Variants in FLACC1 observed in about 807,000 individuals in gnomAD.
FLACC1 encodes the protein flagellum-associated coiled-coil domain-containing protein 1.
A neutral mutation model predicts 62.8 loss-of-function variants in FLACC1; 66 were observed. The observed-to-expected ratio is 1.05, with a 90% CI of 0.86 to 1.29. The LOEUF is 1.29. Among genes scored for constraint, FLACC1 ranks in the 50% most tolerant of loss-of-function variants. The pLI is 0.00. For missense variants in FLACC1, 452 were observed against 489.1 expected, an observed-to-expected ratio of 0.92 and a Z score of 0.71; for synonymous variants, 156 against 161.0, an observed-to-expected ratio of 0.97 and a Z score of 0.24.
intron 1 of FLACC1, among the ~76,000 whole-genome samples, chr2:201,352,972 C>G (rs1232679835): frequency 2.6e-5 from 4 of 152,270 alleles, no homozygotes; most frequent in Middle Eastern, 6.8e-3. Flanking sequence ...CCCCCTGGAG[C>G]CTCCGGAAGG....
chr2:201,288,706 C>T lies in FLACC1; in HGVS notation c.1218G>A (p.Lys406=), dbSNP rs1949648191. 1 of 1,614,042 alleles carries T rather than the reference C, an allele frequency of 6.2e-7. No homozygotes were observed. The highest frequency in any genetic ancestry group is 1.6e-4 in the Middle Eastern group (1 of 6,062). ...CATCTTGCACAGTGTCAGAATCATC[C>T]TTAGAAACAGTAATAGAGGCCAATC... The part of the protein sequence containing the change: ...SGRLASITVS[K]DDSDTVQDGS... The change falls in exon 15 of 15, where the codon AAG becomes AAA. Residue 406 remains lysine (K), a synonymous_variant. Transcript: ENST00000392257.
intron 9 of FLACC1, among the ~76,000 whole-genome samples, chr2:201,310,107 G>A (rs1017546928): frequency 6.6e-6 from 1 of 151,938 alleles, no homozygotes; most frequent in African/African-American, 2.4e-5. Context: ...GGAATCCTAG[G>A]AGGGGGAAGG....
rs187997433 is a variant in FLACC1 at position 201,308,527 on chromosome 2, C to T, written c.775+624G>A. ...GAATGCGGAATAGGTCTGTAGAGGT[C>T]CCACTCCTACCTCAACTAGTCTTCT... On this transcript the variant is annotated intron_variant, in intron 10 of 14. Coordinates refer to ENST00000392257, the MANE Select transcript of FLACC1 (RefSeq NM_001127391.3). 1.2e-4 allele frequency among the ~76,000 whole-genome samples: 18 copies of T among 152,280 alleles called. No individual in the cohort carries two copies. In the East Asian group the frequency reaches 3.5e-3, roughly 29 times the overall value.
At chr2:201,359,060 G>A (rs1438558151), upstream of FLACC1, among the ~76,000 whole-genome samples, 2 of 152,224 alleles carry the variant, frequency 1.3e-5, no homozygotes, top group Non-Finnish European at 2.9e-5. Context: ...GGCAGTGGTC[G>A]TCATGGGACC....
chr2:201,305,449 G>T (rs1364350413), intron 11 of FLACC1, among the ~76,000 whole-genome samples: 1 of 152,190 alleles, frequency 6.6e-6, no homozygotes, highest in South Asian at 2.1e-4. Flanking sequence ...TGCTGGAGAG[G>T]ATGTGGAGAA....
intron 9 of FLACC1, among the ~76,000 whole-genome samples, chr2:201,317,773 A>G (rs976854055): frequency 1.3e-5 from 2 of 152,132 alleles, no homozygotes; most frequent in Non-Finnish European, 2.9e-5. Flanking sequence ...ACAAAGCAAA[A>G]CAAGCAAACA....
chr2:201,336,235 CA>C (rs1244553388), intron 7 of FLACC1, among the ~76,000 whole-genome samples: 2 of 152,162 alleles, frequency 1.3e-5, no homozygotes, highest in Non-Finnish European at 2.9e-5. Context: ...GTTTAGCTCC[CA>C]CTTATAAGTG....
chr2:201,330,858 C>A (rs1340922392), intron 7 of FLACC1, 25 bp from the exon 8 acceptor site: 4 of 1,595,824 alleles, frequency 2.5e-6, no homozygotes, highest in Admixed American at 1.7e-5. Flanking sequence ...GAGAAGGCCA[C>A]AATCATTAGT....
chr2:201,363,893 T>C, the FLACC1 span, among the ~76,000 whole-genome samples: 1 of 152,338 alleles, frequency 6.6e-6, no homozygotes, highest in South Asian at 2.1e-4. Flanking sequence ...GGCTACCCAC[T>C]GCATTCTCCC....
chr2:201,350,262 G>A (rs1044327438), intron 3 of FLACC1, among the ~76,000 whole-genome samples: 25 of 152,142 alleles, frequency 1.6e-4, no homozygotes, highest in African/African-American at 6.0e-4. Flanking sequence ...ATGGGTGCCT[G>A]TAATCCCAGC....
At chr2:201,364,257 G>C in the FLACC1 span, among the ~76,000 whole-genome samples, 1 of 152,032 alleles carries the variant, frequency 6.6e-6, no homozygotes, top group Non-Finnish European at 1.5e-5. Flanking sequence ...CCCTAGAGAG[G>C]GGGGAAAAGG....
intron 9 of FLACC1, among the ~76,000 whole-genome samples, chr2:201,309,925 A>AAAAAAG (rs764506462): frequency 3.7e-4 from 37 of 98,848 alleles, no homozygotes; most frequent in African/African-American, 5.2e-4. Flanking sequence ...AAAAAAAAAA[A>AAAAAAG]AAGAAGAAGA....
chr2:201,342,518 G>A, intron 6 of FLACC1, 87 bp from the exon 7 acceptor site: 1 of 1,355,658 alleles, frequency 7.4e-7, no homozygotes, highest in Middle Eastern at 2.0e-4. Context: ...TCCAATTTAT[G>A]GGGCACAGCC....
chr2:201,318,805 T>C (rs1354451100), intron 9 of FLACC1, among the ~76,000 whole-genome samples: 5 of 152,206 alleles, frequency 3.3e-5, no homozygotes, highest in Non-Finnish European at 7.3e-5. Context: ...ACAACTTGGA[T>C]GAGATTGGAG....
intron 9 of FLACC1, among the ~76,000 whole-genome samples, chr2:201,314,109 G>A (rs570671576): frequency 1.2e-4 from 19 of 152,228 alleles, no homozygotes; most frequent in Non-Finnish European, 2.4e-4. Flanking sequence ...CTACCCAAAT[G>A]AGAAGGAACA....
At chr2:201,330,958 A>T (rs1016283826) in intron 7 of FLACC1, 125 bp from the exon 8 acceptor site, 3 of 625,590 alleles carry the variant, frequency 4.8e-6, no homozygotes, top group South Asian at 3.3e-5. Context: ...TTTTATTTTT[A>T]AAATTTTTAA....
chr2:201,301,218 G>C, intron 11 of FLACC1, among the ~76,000 whole-genome samples: 1 of 152,202 alleles, frequency 6.6e-6, no homozygotes, highest in East Asian at 1.9e-4. Context: ...AGAAAAAACA[G>C]TGTAGAGAAG....
Position 201,330,794 on chromosome 2 carries a change from C to T in FLACC1, c.564G>A (p.Leu188=), listed in dbSNP as rs757375949. The stretch of plus-strand genomic sequence containing the variant: ...TCAAGGCTGCTTTGTAGTTGTTCTC[C>T]AACTCACTGAGTTCTGCTTCATGGG... ...KEAHEAELSE[L]ENNYKAALKA... Residue 188 remains leucine, a synonymous_variant, in exon 8 of 15, where the codon TTG becomes TTA. Coordinates refer to ENST00000392257, the MANE Select transcript of FLACC1 (RefSeq NM_001127391.3). 1 of 1,613,772 alleles carries T rather than the reference C, an allele frequency of 6.2e-7. No homozygotes were observed. Among genetic ancestry groups the T allele is most frequent in the Non-Finnish European group, 8.5e-7 (1 of 1,179,976 alleles).
intron 11 of FLACC1, 122 bp downstream of exon 11, chr2:201,307,397 G>A: frequency 1.4e-6 from 1 of 732,930 alleles, no homozygotes; most frequent in Non-Finnish European, 2.4e-6. Flanking sequence ...CCAGAAAGCT[G>A]GGAGAGGAGG....
Sources: gnomAD v4.1 joint callset for allele counts (sites outside exome capture counted in the v4.1 genomes callset) on GRCh38, gnomAD v4.1.1 for gene constraint, MANE v1.5 for transcripts, NCBI Gene and HGNC (gene_info 2026-07-23, HGNC 2026-07-21) for gene names.